ITGAM: variants seen among roughly 807,000 people sequenced by gnomAD.
ITGAM encodes integrin subunit alpha M.
Under a neutral mutation model 137.5 loss-of-function variants are expected in ITGAM, and 79 were observed. That is an observed-to-expected ratio of 0.57 (90% CI 0.48 to 0.69). ITGAM has a LOEUF of 0.69. ITGAM is among the 30% of genes least tolerant of loss of function. The pLI is 0.00. For missense variants in ITGAM, 1,343 were observed against 1,483.5 expected (o/e 0.91, Z 1.56); for synonymous variants, 583 against 592.3 (o/e 0.98, Z 0.23).
At chr16:31,326,725 T>C (rs2080511740) in intron 21 of ITGAM, 131 bp from the exon 22 acceptor site, 1 of 715,986 alleles carries the variant, frequency 1.4e-6, no homozygotes, top group East Asian at 2.5e-5. Flanking sequence ...CCTTCATTGC[T>C]TTTTATTTGG....
chr16:31,330,270 G>A (rs781217122), intron 26 of ITGAM, 38 bp from the exon 27 acceptor site: 2 of 1,596,196 alleles, frequency 1.3e-6, no homozygotes, highest in Non-Finnish European at 1.7e-6. Flanking sequence ...TCTGCCTTCG[G>A]CTTCCTTACC....
In ITGAM at chr16:31,330,392, G is replaced by T. The variant is rs770683339; in HGVS notation, c.3145G>T (p.Gly1049Cys). 6.2e-7 allele frequency: 1 copy of T among 1,613,808 alleles called. No individual in the cohort carries two copies. Among genetic ancestry groups the T allele is most frequent in the Admixed American group, 1.7e-5 (1 of 60,028 alleles). The change falls in exon 27 of 30, where the codon GGC (glycine) becomes TGC (cysteine). Residue 1049 changes from glycine to cysteine, a missense_variant. Physicochemically the swap from Gly to Cys is radical, Grantham distance 159 (BLOSUM62 -3). Transcript: ENST00000544665. ...IQEEFNATLK[G>C]NLSFDWYIKT... is the part of the protein sequence containing the mutation. ...GGAAGAATTCAATGCTACCCTCAAA[G>T]GCAACCTCTCGTTTGACTGGTACAT...
At chr16:31,295,180 T>C (rs1006381787) in intron 12 of ITGAM, among the ~76,000 whole-genome samples, 40 of 152,154 alleles carry the variant, frequency 2.6e-4, no homozygotes, top group African/African-American at 9.2e-4. Flanking sequence ...CCAGTATTTT[T>C]TTTCTTGAGG....
chr16:31,268,534 C>T (rs575968232), intron 5 of ITGAM, among the ~76,000 whole-genome samples: 5 of 151,998 alleles, frequency 3.3e-5, no homozygotes, highest in African/African-American at 1.2e-4. Flanking sequence ...TGGCGTGTGC[C>T]TGTGGTCTTA....
At chr16:31,265,692 G>T in intron 3 of ITGAM, 119 bp from the exon 4 acceptor site, 1 of 877,396 alleles carries the variant, frequency 1.1e-6, no homozygotes, top group Non-Finnish European at 1.8e-6. Context: ...CCAAGATTTA[G>T]GATCCCCCTT....
chr16:31,291,983 C>T (rs1041203544), intron 12 of ITGAM, among the ~76,000 whole-genome samples: 19 of 151,986 alleles, frequency 1.3e-4, no homozygotes, highest in Admixed American at 5.9e-4. Flanking sequence ...CTTGAGGCAA[C>T]GGATATCCCA....
At position 31,271,975 on chromosome 16, in the gene ITGAM, G is replaced by A. The variant is rs767408763; in HGVS notation, c.687G>A (p.Thr229=). 6 of 1,613,898 alleles carry A rather than the reference G, an allele frequency of 3.7e-6. No individual in the cohort carries two copies. The highest frequency in any genetic ancestry group is 3.3e-5 in the South Asian group (3 of 91,090). Residue 229 remains threonine, a synonymous_variant, in exon 7 of 30, where the codon ACG becomes ACA. Coordinates refer to ENST00000544665, the MANE Select transcript of ITGAM (RefSeq NM_000632.4). ...TGCTTGGGCGGACACACACGGCCAC[G>A]GGCATCCGCAAAGTGGTGTAAGCTT... The part of the protein sequence containing the change: ...TQLLGRTHTA[T]GIRKVVRELF...
chr16:31,318,143 G>T (rs1221320299), intron 14 of ITGAM, among the ~76,000 whole-genome samples: 1 of 152,000 alleles, frequency 6.6e-6, no homozygotes, highest in African/African-American at 2.4e-5. Flanking sequence ...ATTCAGGCTT[G>T]GTAGGTTGTA....
At chr16:31,311,399 A>G (rs1290876823) in intron 14 of ITGAM, among the ~76,000 whole-genome samples, 1 of 152,256 alleles carries the variant, frequency 6.6e-6, no homozygotes, top group Non-Finnish European at 1.5e-5. Flanking sequence ...ACAAAGGGGT[A>G]ATATCCAGAA....
Position 31,331,872 on chromosome 16 carries a change from T to C in ITGAM, c.*165T>C. The C allele has an allele frequency of 1.7e-6, 1 of 583,934 alleles. No homozygotes were observed. The highest frequency in any genetic ancestry group is 3.0e-5 in the East Asian group (1 of 33,246). 36.2% of individuals were successfully genotyped at this position (583,934 alleles called of 1,614,324 possible). A position where few individuals can be genotyped will look rare whatever the true frequency, so the allele number is the denominator to read the frequency against. ...AAGTGTGTATGTGCGTGTGTGCAAG[T>C]GTCTGTGTGCAAGTGTGTGCACATG... On this transcript the variant is annotated 3_prime_UTR_variant, in exon 30 of 30. Transcript: ENST00000544665.
chr16:31,326,053 G>A (rs2080505254), intron 21 of ITGAM, among the ~76,000 whole-genome samples: 1 of 152,104 alleles, frequency 6.6e-6, no homozygotes. Context: ...GCGACAGAGT[G>A]AGACCCTGTC....
intron 10 of ITGAM, 46 bp downstream of exon 10, chr16:31,276,790 A>C: frequency 6.3e-7 from 1 of 1,577,898 alleles, no homozygotes; most frequent in Non-Finnish European, 8.7e-7. Context: ...AGGGGGTAGC[A>C]AGAAGAGATA....
rs1266003532 is a variant in ITGAM, at chr16:31,270,740, TATATG to T, written c.428-213_428-209del. Among the ~76,000 whole-genome samples the T allele has an allele frequency of 9.0e-3, 1,033 of 114,172 alleles. 6 individuals carry two copies. Among genetic ancestry groups the T allele is most frequent in the Non-Finnish European group, 0.015 (849 of 55,924 alleles). The allele number at this position is 114,172 out of a possible 152,430, so 74.9% of individuals were successfully genotyped here. A position where few individuals can be genotyped will look rare whatever the true frequency, so the allele number is the denominator to read the frequency against. ...ATATATATATATATATATATATATA[TATATG>T]TTTTTAACGTGTGTATACATATATA... On this transcript the variant is annotated intron_variant, in intron 5 of 29. Coordinates refer to ENST00000544665, the MANE Select transcript of ITGAM (RefSeq NM_000632.4).
intron 2 of ITGAM, among the ~76,000 whole-genome samples, chr16:31,263,075 TG>T (rs1402060585): frequency 6.6e-6 from 1 of 152,016 alleles, no homozygotes; most frequent in African/African-American, 2.4e-5. Context: ...CTGAGTAGCT[TG>T]GATTGCAGGT....
In ITGAM at chr16:31,324,476, A is replaced by G; in HGVS notation, c.2080A>G (p.Thr694Ala). ...RPHSRAVFNE[T>A]KNSTRRQTQV... ...ACATTCCCGCGCCGTCTTCAATGAGACAAAGAACAGCACACGCAGACAGAC... is the reference window on the plus strand; with the variant it reads ...ACATTCCCGCGCCGTCTTCAATGAGGCAAAGAACAGCACACGCAGACAGAC... Residue 694 changes from threonine (T) to alanine (A), a missense_variant, in exon 17 of 30, where the codon ACA becomes GCA. Coordinates refer to ENST00000544665, the MANE Select transcript of ITGAM (RefSeq NM_000632.4). This position sits in a 1 kb window ranked among gnomAD's most constrained non-coding sequence, Gnocchi z 4.5. The G allele has an allele frequency of 1.3e-6, 2 of 1,586,002 alleles. No individual in the cohort carries two copies. Among genetic ancestry groups the G allele is most frequent in the Non-Finnish European group, 8.6e-7 (1 of 1,166,538 alleles).
Position 31,331,895 on chromosome 16 carries a change from A to G in ITGAM, c.*188A>G, listed in dbSNP as rs1597047050. 18 of 163,566 alleles carry G rather than the reference A, an allele frequency of 1.1e-4. No individual in the cohort carries two copies. The highest frequency in any genetic ancestry group is 4.2e-4 in the East Asian group (1 of 2,370). The allele number at this position is 163,566 out of a possible 1,614,324, so 10.1% of individuals were successfully genotyped here. On this transcript the variant is annotated 3_prime_UTR_variant, in exon 30 of 30. Transcript: ENST00000544665. ...AGTGTCTGTGTGCAAGTGTGTGCAC[A>G]TGTGTGCGTGTGCGTGCATGTGCAC...
rs72785595 is a variant in ITGAM at position 31,273,933 on chromosome 16, C to T, written c.858+415C>T. On this transcript the variant is annotated intron_variant, in intron 8 of 29. Transcript: ENST00000544665. The stretch of plus-strand genomic sequence containing the variant: ...CCTGGCTCTCATTCTCCAGGGCTAG[C>T]CTGGGCATGTCCTCATGGTGAAGGC... 3.0e-3 allele frequency among the ~76,000 whole-genome samples: 460 copies of T among 152,288 alleles called. 1 individual carries two copies. The highest frequency in any genetic ancestry group is 3.6e-3 in the Non-Finnish European group (242 of 68,028).
rs2080060891 is a variant in ITGAM at position 31,289,229 on chromosome 16, A to T, written c.1357-8285A>T. On this transcript the variant is annotated intron_variant, in intron 12 of 29. Coordinates refer to ENST00000544665, the MANE Select transcript of ITGAM (RefSeq NM_000632.4). ...TCAAGGATCTAGAACTAGAAATACC[A>T]TTTGACCCAGCCATCCCATTACTGG... 1.3e-5 allele frequency among the ~76,000 whole-genome samples: 2 copies of T among 152,194 alleles called. 1 individual carries two copies. Among genetic ancestry groups the T allele is most frequent in the Admixed American group, 1.3e-4 (2 of 15,280 alleles).
intron 12 of ITGAM, among the ~76,000 whole-genome samples, chr16:31,295,017 A>G (rs1350325773): frequency 6.6e-6 from 1 of 152,128 alleles, no homozygotes; most frequent in African/African-American, 2.4e-5. Flanking sequence ...ACCTTTATTG[A>G]AGATCAATTG....
Sources: allele counts gnomAD v4.1 joint callset (sites outside exome capture counted in the v4.1 genomes callset), GRCh38; gene constraint gnomAD v4.1.1; non-coding constraint Gnocchi (gnomAD v3.1); transcripts MANE v1.5; gene names NCBI Gene and HGNC (gene_info 2026-07-23, HGNC 2026-07-21).